The following COLEC10 variants were observed in gnomAD, a reference collection of about 807,000 sequenced individuals.
The protein encoded by COLEC10 is collectin-10.
A neutral mutation model predicts 28.4 loss-of-function variants in COLEC10; 22 were observed. The ratio of observed to expected loss-of-function variants is 0.78; its 90% CI spans 0.55 to 1.11. The LOEUF is 1.11. COLEC10 is among the 50% of genes least tolerant of loss of function. The probability of loss-of-function intolerance (pLI) is 0.00; values close to 1 mark genes in which losing one functional copy is unlikely to be tolerated. For synonymous variants in COLEC10, 125 were observed against 116.1 expected (o/e 1.08, Z -0.49); for missense variants, 361 against 344.1 (o/e 1.05, Z -0.39).
rs1813898964 is a variant in COLEC10, at chr8:119,011,435, T to A, written n.235+1882T>A. Among the ~76,000 whole-genome samples the A allele has an allele frequency of 2.0e-5, 3 of 150,658 alleles. No homozygotes were observed. The South Asian group carries it at 6.2e-4, about 31-fold the overall frequency. On this transcript the variant is annotated intron_variant and non_coding_transcript_variant, in intron 2 of 6. Coordinates refer to the COLEC10 transcript ENST00000521788. ...TGCCAGTCCTCCAATTCTGCTTTCCTTCAATATTGTGTTGACTATACTTGG... is the reference window on the plus strand; with the variant it reads ...TGCCAGTCCTCCAATTCTGCTTTCCATCAATATTGTGTTGACTATACTTGG...
intron 3 of COLEC10, among the ~76,000 whole-genome samples, chr8:119,092,980 A>G (rs1815640904): frequency 6.6e-6 from 1 of 152,178 alleles, no homozygotes; most frequent in Non-Finnish European, 1.5e-5. Flanking sequence ...AAGCAGCAAG[A>G]CTGATATGCG....
At chr8:118,958,461 C>T in the COLEC10 span, among the ~76,000 whole-genome samples, 2 of 152,214 alleles carry the variant, frequency 1.3e-5, no homozygotes, top group African/African-American at 4.8e-5. Context: ...CCAGAGGCTG[C>T]ATCTAGAAAT....
chr8:119,069,629 A>AATAT (rs1207445435), intron 1 of COLEC10, among the ~76,000 whole-genome samples: 71 of 42,860 alleles, frequency 1.7e-3, no homozygotes, highest in East Asian at 2.9e-3. Context: ...AAAAAAAAAA[A>AATAT]ATATATATAT....
At chr8:119,097,505 C>A (rs1815744821) in intron 3 of COLEC10, among the ~76,000 whole-genome samples, 1 of 151,956 alleles carries the variant, frequency 6.6e-6, no homozygotes, top group Non-Finnish European at 1.5e-5. Flanking sequence ...TTGTAATGTG[C>A]AATTGACCTA....
chr8:118,954,404 C>A, the COLEC10 span, among the ~76,000 whole-genome samples: 1 of 152,188 alleles, frequency 6.6e-6, no homozygotes, highest in Non-Finnish European at 1.5e-5. Flanking sequence ...AAGTAATCCA[C>A]TACTGTGGGC....
At chr8:119,049,575 C>A (rs922882889) in intron 2 of COLEC10, among the ~76,000 whole-genome samples, 2 of 151,710 alleles carry the variant, frequency 1.3e-5, no homozygotes, top group African/African-American at 4.8e-5. Flanking sequence ...CCACCACACC[C>A]GGCTAATTTT....
At chr8:119,075,892 C>CTT (rs35870985) in intron 1 of COLEC10, among the ~76,000 whole-genome samples, 2,322 of 82,460 alleles carry the variant, frequency 0.028, no homozygotes, top group African/African-American at 0.034. Context: ...TCAGCCATAT[C>CTT]TTTTTTTTTT....
At chr8:119,053,184 G>A (rs966323883) in intron 2 of COLEC10, among the ~76,000 whole-genome samples, 58 of 152,062 alleles carry the variant, frequency 3.8e-4, no homozygotes, top group African/African-American at 1.4e-3. Context: ...GGATGCTTCA[G>A]GGAAACCGTA....
At chr8:119,104,918 A>C (rs1341025641) in intron 5 of COLEC10, among the ~76,000 whole-genome samples, 2 of 152,166 alleles carry the variant, frequency 1.3e-5, no homozygotes, top group East Asian at 3.9e-4. Context: ...TAAAATGCCT[A>C]TGTAGAGGCC....
In COLEC10 at chr8:119,106,172, T is replaced by C; in HGVS notation, c.815T>C (p.Phe272Ser). ...CHLTMYFVCE[F>S]IKKKK ...CTTACCATGTACTTTGTCTGTGAGT[T>C]CATCAAGAAGAAAAAGTAACTTCCC... Residue 272 changes from phenylalanine to serine, a missense_variant, in exon 6 of 6, where the codon TTC (phenylalanine) becomes TCC (serine). Physicochemically the swap from Phe to Ser is radical, Grantham distance 155 (BLOSUM62 -2). Around this residue, in one of 3 missense-constraint regions of COLEC10, gnomAD observed 22 missense variants for 17.3 expected, o/e 1.28. Coordinates refer to ENST00000332843, the MANE Select transcript of COLEC10 (RefSeq NM_006438.5). 1.3e-6 allele frequency: 2 copies of C among 1,598,130 alleles called. No individual in the cohort carries two copies. Among genetic ancestry groups the C allele is most frequent in the Non-Finnish European group, 1.7e-6 (2 of 1,167,674 alleles).
intron 2 of COLEC10, among the ~76,000 whole-genome samples, chr8:119,047,880 T>A (rs544031439): frequency 6.6e-6 from 1 of 152,292 alleles, no homozygotes; most frequent in South Asian, 2.1e-4. Context: ...TACTGTAGAA[T>A]AAGAACCATC....
At chr8:118,994,078 G>T (rs1813550916), upstream of COLEC10, among the ~76,000 whole-genome samples, 2 of 152,110 alleles carry the variant, frequency 1.3e-5, no homozygotes, top group Admixed American at 1.3e-4. Flanking sequence ...TCAAGAATAG[G>T]GTTTTAGGGG....
chr8:119,045,385 C>T (rs1002463097), intron 2 of COLEC10, among the ~76,000 whole-genome samples: 2 of 152,194 alleles, frequency 1.3e-5, no homozygotes, highest in Non-Finnish European at 2.9e-5. Flanking sequence ...CTGAATGTGG[C>T]TTTCTCCCCA....
At chr8:119,049,954 T>C (rs1198061752) in intron 2 of COLEC10, among the ~76,000 whole-genome samples, 3 of 152,186 alleles carry the variant, frequency 2.0e-5, no homozygotes, top group Non-Finnish European at 4.4e-5. Flanking sequence ...GGAGAGTTAA[T>C]ATGGCTTTGA....
chr8:119,097,437 C>T lies in COLEC10; in HGVS notation c.293-4911C>T, dbSNP rs908088583. ...CATAGCTAATTATTATGAAAAAAAG[C>T]ACTTTCAAGGCACAATAATTCATTC... On this transcript the variant is annotated intron_variant, in intron 3 of 5. Transcript: ENST00000332843. Among the ~76,000 whole-genome samples, 5 of 151,938 alleles carry T rather than the reference C, an allele frequency of 3.3e-5. 1 individual carries two copies. The highest frequency in any genetic ancestry group is 1.3e-4 in the Admixed American group (2 of 15,244).
chr8:118,982,050 T>TA, the COLEC10 span, among the ~76,000 whole-genome samples: 1 of 152,086 alleles, frequency 6.6e-6, no homozygotes, highest in Non-Finnish European at 1.5e-5. Context: ...TTTACCTTAG[T>TA]AATTTCAGGA....
chr8:119,053,600 A>T (rs996460749), intron 2 of COLEC10, among the ~76,000 whole-genome samples: 1 of 151,948 alleles, frequency 6.6e-6, no homozygotes, highest in African/African-American at 2.4e-5. Flanking sequence ...GAAGTCAGTT[A>T]CTAAACTCTT....
At chr8:119,003,476 C>T (rs994460187) in intron 1 of COLEC10, among the ~76,000 whole-genome samples, 3 of 152,054 alleles carry the variant, frequency 2.0e-5, no homozygotes, top group African/African-American at 4.8e-5. Context: ...ATGTCATCAT[C>T]ACAAAATGAT....
chr8:118,999,917 G>A (rs2130059402), intron 1 of COLEC10, among the ~76,000 whole-genome samples: 1 of 150,960 alleles, frequency 6.6e-6, no homozygotes, highest in Admixed American at 6.6e-5. Context: ...GAGTTTTTTT[G>A]TAAAGAGAGC....
Sources: gnomAD v4.1 joint callset for allele counts (sites outside exome capture counted in the v4.1 genomes callset) on GRCh38, gnomAD v4.1.1 for gene constraint, gnomAD v4.1.1 regional missense constraint, MANE v1.5 for transcripts, NCBI Gene and HGNC (gene_info 2026-07-23, HGNC 2026-07-21) for gene names.